Variants in GALNT5 observed in about 807,000 individuals in gnomAD.
GALNT5 encodes UDP-GalNAc:polypeptide N-acetylgalactosaminyltransferase 5.
In GALNT5, 72 loss-of-function variants were observed where a neutral mutation model predicts 85.4. The observed-to-expected ratio is 0.84, with a 90% CI of 0.70 to 1.03. The LOEUF is 1.03. GALNT5 is among the 50% of genes least tolerant of loss of function. GALNT5 has a pLI of 0.00. For synonymous variants in GALNT5, 404 were observed against 397.0 expected (o/e 1.02, Z -0.21); for missense variants, 1,137 against 1,135.5 (o/e 1.00, Z -0.02).
chr2:157,258,493 G>T lies in GALNT5; in HGVS notation c.411G>T (p.Val137=). 6.2e-7 allele frequency: 1 copy of T among 1,609,202 alleles called. No individual in the cohort carries two copies. Among genetic ancestry groups the T allele is most frequent in the Non-Finnish European group, 8.5e-7 (1 of 1,178,514 alleles). ...WHPAHLQTLP[V]TPNKQKTDGR... Reference sequence around the variant, plus strand: ...CTGCACATCTGCAGACCCTCCCTGTGACTCCTAACAAGCAGAAGACAGACG... The same window carrying T: ...CTGCACATCTGCAGACCCTCCCTGTTACTCCTAACAAGCAGAAGACAGACG... Residue 137 remains valine, a synonymous_variant, in exon 1 of 10, where the codon GTG becomes GTT. Transcript: ENST00000259056.
chr2:157,290,288 G>A (rs368310904), intron 3 of GALNT5, among the ~76,000 whole-genome samples: 1 of 152,042 alleles, frequency 6.6e-6, no homozygotes, highest in South Asian at 2.1e-4. Context: ...TACACTTGGA[G>A]CAGCATTAGT....
chr2:157,262,126 C>A (rs895726743), intron 1 of GALNT5, among the ~76,000 whole-genome samples: 3 of 151,038 alleles, frequency 2.0e-5, no homozygotes, highest in Admixed American at 1.3e-4. Flanking sequence ...ATTCATTTCC[C>A]CAAAATCCAC....
At chr2:157,265,080 A>G (rs1387874044) in intron 1 of GALNT5, among the ~76,000 whole-genome samples, 2 of 152,162 alleles carry the variant, frequency 1.3e-5, no homozygotes, top group Non-Finnish European at 2.9e-5. Flanking sequence ...ATGGGTAAGC[A>G]ATGCAGTGGT....
rs1683632022 is a variant in GALNT5, at chr2:157,313,803, A to AATATAGCT, written c.*2455_*2456insATATAGCT. ...TTTCTGACTTTACCCTGACAAACTT[A>AATATAGCT]TTATATAAAGCTATATTTAAATCTA... On this transcript the variant is annotated 3_prime_UTR_variant, in exon 10 of 10. Coordinates refer to ENST00000259056, the MANE Select transcript of GALNT5 (RefSeq NM_014568.3). 1 of 152,198 alleles carries AATATAGCT rather than the reference A, an allele frequency of 6.6e-6. No individual in the cohort carries two copies. The highest frequency in any genetic ancestry group is 2.4e-5 in the African/African-American group (1 of 41,454). The allele number at this position is 152,198 out of a possible 1,614,324, so 9.4% of individuals were successfully genotyped here. A position where few individuals can be genotyped will look rare whatever the true frequency, so the allele number is the denominator to read the frequency against.
chr2:157,289,892 C>T lies in GALNT5; in HGVS notation c.1741+3758C>T, dbSNP rs1558898608. On this transcript the variant is annotated intron_variant, in intron 3 of 9. Coordinates refer to ENST00000259056, the MANE Select transcript of GALNT5 (RefSeq NM_014568.3). ...TTCGAGACCAGCCTGCCCAACATGG[C>T]AAAACCCTGTCTCTACTAAAAATAC... 2.6e-5 allele frequency among the ~76,000 whole-genome samples: 4 copies of T among 151,646 alleles called. 1 individual carries two copies. In the South Asian group the frequency reaches 8.3e-4, roughly 32 times the overall value.
At chr2:157,302,925 G>C (rs7602322) in intron 7 of GALNT5, among the ~76,000 whole-genome samples, 19,998 of 152,112 alleles carry the variant, frequency 0.13, 2,716 homozygotes, top group African/African-American at 0.34. Context: ...AGCAGGGAGC[G>C]TTATTAACAT....
chr2:157,307,006 A>C (rs994171361), intron 8 of GALNT5, among the ~76,000 whole-genome samples: 1 of 63,848 alleles, frequency 1.6e-5, no homozygotes, highest in African/African-American at 4.2e-5. Flanking sequence ...GTATTAAATA[A>C]TGCATTTTTT....
chr2:157,264,945 T>C (rs1682425832), intron 1 of GALNT5, among the ~76,000 whole-genome samples: 1 of 152,176 alleles, frequency 6.6e-6, no homozygotes, highest in African/African-American at 2.4e-5. Flanking sequence ...CTAATAGTGA[T>C]TGGAGAACAT....
At chr2:157,283,230 C>T (rs574688706) in intron 1 of GALNT5, among the ~76,000 whole-genome samples, 4 of 152,036 alleles carry the variant, frequency 2.6e-5, no homozygotes, top group Middle Eastern at 6.8e-3. Flanking sequence ...AATTTGAGGT[C>T]GACATTGAAA....
At chr2:157,302,591 A>AG (rs920628622) in intron 7 of GALNT5, 5 of 151,742 alleles carry the variant, frequency 3.3e-5, no homozygotes, top group Non-Finnish European at 5.9e-5. Context: ...AGAAAAAAAA[A>AG]AAAGAAAGGA....
chr2:157,291,244 T>G (rs1442642567), intron 3 of GALNT5, among the ~76,000 whole-genome samples: 1 of 152,198 alleles, frequency 6.6e-6, no homozygotes, highest in Non-Finnish European at 1.5e-5. Context: ...TTCATTTCCT[T>G]CATGACATGG....
chr2:157,278,731 T>C (rs1362332550), intron 1 of GALNT5, among the ~76,000 whole-genome samples: 1 of 152,122 alleles, frequency 6.6e-6, no homozygotes, highest in Non-Finnish European at 1.5e-5. Context: ...TTTTTCAAGG[T>C]TTTTAGCTTC....
intron 1 of GALNT5, among the ~76,000 whole-genome samples, chr2:157,277,223 A>AG (rs1444753211): frequency 1.3e-5 from 2 of 152,166 alleles, no homozygotes; most frequent in African/African-American, 2.4e-5. Flanking sequence ...ACATTTGCTG[A>AG]GGAATGCTTT....
At chr2:157,285,742 A>G (rs1328225286) in intron 2 of GALNT5, among the ~76,000 whole-genome samples, 1 of 152,214 alleles carries the variant, frequency 6.6e-6, no homozygotes, top group African/African-American at 2.4e-5. Flanking sequence ...CCACCTTGAC[A>G]AATACTCAGA....
chr2:157,273,700 T>C lies in GALNT5; in HGVS notation c.1455-10582T>C, dbSNP rs192497002. 2.1e-3 allele frequency among the ~76,000 whole-genome samples: 280 copies of C among 132,394 alleles called. 3 individuals carry two copies. Among genetic ancestry groups the C allele is most frequent in the African/African-American group, 7.1e-3 (252 of 35,416 alleles). The allele number at this position is 132,394 out of a possible 152,430, so 86.9% of individuals were successfully genotyped here. On this transcript the variant is annotated intron_variant, in intron 1 of 9. Transcript: ENST00000259056. ...TCTTGTTGCCCAGGCTGGAGTGCAA[T>C]GGCACAATCTCAGCTCACCGCAACC...
intron 1 of GALNT5, among the ~76,000 whole-genome samples, chr2:157,275,230 G>A (rs180823845): frequency 2.3e-3 from 351 of 152,126 alleles, no homozygotes; most frequent in Middle Eastern, 0.01. Flanking sequence ...TGGTTACTGC[G>A]GCCTTGTAGT....
chr2:157,263,563 T>C (rs1682396321), intron 1 of GALNT5, among the ~76,000 whole-genome samples: 1 of 152,230 alleles, frequency 6.6e-6, no homozygotes, highest in South Asian at 2.1e-4. Flanking sequence ...CTGTTTTTCC[T>C]TCCTAGTGAA....
chr2:157,265,532 G>A (rs746487928), intron 1 of GALNT5, among the ~76,000 whole-genome samples: 4 of 152,306 alleles, frequency 2.6e-5, no homozygotes, highest in South Asian at 2.1e-4. Flanking sequence ...AAACACTCCT[G>A]GGAGAGAGTA....
At chr2:157,283,467 T>C (rs369833068) in intron 1 of GALNT5, among the ~76,000 whole-genome samples, 3 of 152,202 alleles carry the variant, frequency 2.0e-5, no homozygotes, top group Non-Finnish European at 4.4e-5. Context: ...TAACTCCCAC[T>C]GTAGCCTGGA....
Sources: allele counts gnomAD v4.1 joint callset (sites outside exome capture counted in the v4.1 genomes callset), GRCh38; gene constraint gnomAD v4.1.1; transcripts MANE v1.5; gene names NCBI Gene and HGNC (gene_info 2026-07-23, HGNC 2026-07-21).